ATP9B: variants seen among roughly 807,000 people sequenced by gnomAD.
The protein encoded by ATP9B is probable phospholipid-transporting ATPase IIB.
In ATP9B, 110 loss-of-function variants were observed where a neutral mutation model predicts 146.1. That is an observed-to-expected ratio of 0.75 (90% confidence interval 0.65 to 0.88). The LOEUF (loss-of-function observed/expected upper bound fraction) is 0.88, where lower values mean the gene tolerates loss of function less well. ATP9B is among the 40% of genes least tolerant of loss of function. ATP9B has a pLI of 0.00. For synonymous variants in ATP9B, 604 were observed against 569.7 expected, an observed-to-expected ratio of 1.06 and a Z score of -0.86; for missense variants, 1,499 against 1,496.4, an observed-to-expected ratio of 1.00 and a Z score of -0.03.
Position 79,303,644 on chromosome 18 carries a change from C to T in ATP9B, c.1452C>T (p.His484=), listed in dbSNP as rs1474541781. ...ATGAAATGATATTTAAGCGGCTGCA[C>T]CTGGGCACCGTGTCCTATGGCGCCG... ...TQNEMIFKRL[H]LGTVSYGADT... is the part of the protein sequence containing the mutation. The change falls in exon 14 of 30, where the codon CAC becomes CAT. Residue 484 remains histidine (H), a synonymous_variant. Coordinates refer to ENST00000426216, the MANE Select transcript of ATP9B (RefSeq NM_198531.5). 11 of 1,614,094 alleles carry T rather than the reference C, an allele frequency of 6.8e-6. No individual in the cohort carries two copies. Among genetic ancestry groups the T allele is most frequent in the East Asian group, 2.2e-5 (1 of 44,874 alleles).
chr18:79,294,224 G>A (rs2096531085), intron 13 of ATP9B, among the ~76,000 whole-genome samples: 3 of 152,222 alleles, frequency 2.0e-5, no homozygotes, highest in Non-Finnish European at 4.4e-5. Context: ...AAATGCCAGA[G>A]TTCTCTTCTC....
At chr18:79,325,084 C>T (rs539210735) in intron 15 of ATP9B, among the ~76,000 whole-genome samples, 2 of 152,184 alleles carry the variant, frequency 1.3e-5, no homozygotes, top group Non-Finnish European at 2.9e-5. Context: ...GAGCCCCTCT[C>T]CCAGGTTCTG....
intron 1 of ATP9B, among the ~76,000 whole-genome samples, chr18:79,090,773 CTT>C (rs1466546486): frequency 1.1e-4 from 16 of 152,062 alleles, no homozygotes; most frequent in Non-Finnish European, 2.2e-4. Context: ...TCTGCAGAAA[CTT>C]TTTAACTTGA....
At chr18:79,311,385 G>C (rs2146665237) in intron 15 of ATP9B, among the ~76,000 whole-genome samples, 1 of 152,276 alleles carries the variant, frequency 6.6e-6, no homozygotes, top group South Asian at 2.1e-4. Context: ...GTGACTCTCA[G>C]TGGGCTCAGC....
chr18:79,253,308 A>G (rs1268327838), intron 11 of ATP9B, 73 bp from the exon 12 acceptor site: 3 of 1,356,626 alleles, frequency 2.2e-6, no homozygotes, highest in Admixed American at 4.9e-5. Flanking sequence ...TGTCATCACT[A>G]CCATGCATTC....
rs80298728 is a variant in ATP9B at position 79,347,671 on chromosome 18, G to A, written c.2683-99G>A. 6.8e-5 allele frequency: 91 copies of A among 1,346,042 alleles called. No homozygotes were observed. In the East Asian group the frequency reaches 2.1e-3, roughly 31 times the overall value. The allele number at this position is 1,346,042 out of a possible 1,614,324, so 83.4% of individuals were successfully genotyped here. On this transcript the variant is annotated intron_variant, in intron 23 of 29. Transcript: ENST00000426216. ...TTACAAGTTCTGCAGAGAGAATTTC[G>A]GTCTTTGTAACATTTAGGCTGAGTT... is the stretch of plus-strand genomic sequence containing the variant.
At chr18:79,284,905 A>G (rs2096419745) in intron 13 of ATP9B, among the ~76,000 whole-genome samples, 1 of 152,118 alleles carries the variant, frequency 6.6e-6, no homozygotes, top group Admixed American at 6.5e-5. Flanking sequence ...TTTATTGAGA[A>G]TGATGATTTC....
At chr18:79,228,199 T>C (rs370335949) in intron 11 of ATP9B, among the ~76,000 whole-genome samples, 1 of 152,238 alleles carries the variant, frequency 6.6e-6, no homozygotes, top group Non-Finnish European at 1.5e-5. Context: ...TCTCAAATTC[T>C]CCACTAGTGA....
intron 11 of ATP9B, among the ~76,000 whole-genome samples, chr18:79,245,551 G>GGAGGGCACCACCCTACTGACTGTGCA (rs1555785604): frequency 0.35 from 50,814 of 146,892 alleles, 10,154 homozygotes; most frequent in African/African-American, 0.49. Flanking sequence ...TACTGACTGA[G>GGAGGGCACCACCCTACTGACTGTGCA]GAGGGCACCG....
chr18:79,251,312 T>C (rs766605821), intron 11 of ATP9B, among the ~76,000 whole-genome samples: 2 of 152,222 alleles, frequency 1.3e-5, no homozygotes, highest in Non-Finnish European at 2.9e-5. Flanking sequence ...TTGTCATCGC[T>C]ACTGTTGTGA....
intron 8 of ATP9B, among the ~76,000 whole-genome samples, chr18:79,190,807 A>C (rs1344945957): frequency 6.6e-6 from 1 of 152,104 alleles, no homozygotes; most frequent in Non-Finnish European, 1.5e-5. Flanking sequence ...CGGCCTCCCA[A>C]AGTGCTGGGA....
chr18:79,132,286 A>G (rs1476240089), intron 5 of ATP9B, among the ~76,000 whole-genome samples: 2 of 152,234 alleles, frequency 1.3e-5, no homozygotes, highest in East Asian at 3.8e-4. Flanking sequence ...CTGGTCATCT[A>G]AGAAGTAGAA....
At chr18:79,074,373 C>T (rs1426396042) in intron 1 of ATP9B, among the ~76,000 whole-genome samples, 5 of 152,222 alleles carry the variant, frequency 3.3e-5, no homozygotes, top group African/African-American at 1.2e-4. Context: ...TTAGCACCAC[C>T]ATGGTAAAAG....
In ATP9B at chr18:79,175,222, A is replaced by G. The variant is rs543203242; in HGVS notation, c.779-1591A>G. On this transcript the variant is annotated intron_variant, in intron 7 of 29. Transcript: ENST00000426216. ...CAAAAAAAAAAAAAAAAGAAAAAAA[A>G]AAACATCAAAACTTTTGAAACCTCA... Among the ~76,000 whole-genome samples, 204 of 152,012 alleles carry G rather than the reference A, an allele frequency of 1.3e-3. 2 individuals carry two copies. The highest frequency in any genetic ancestry group is 4.6e-3 in the African/African-American group (192 of 41,490).
intron 11 of ATP9B, among the ~76,000 whole-genome samples, chr18:79,218,570 G>C (rs2095650080): frequency 6.6e-6 from 1 of 150,870 alleles, no homozygotes; most frequent in African/African-American, 2.4e-5. Context: ...GGCAGCTCCT[G>C]TTGGTCATGT....
intron 5 of ATP9B, among the ~76,000 whole-genome samples, chr18:79,135,572 T>C (rs555423955): frequency 6.6e-6 from 1 of 152,302 alleles, no homozygotes; most frequent in Non-Finnish European, 1.5e-5. Flanking sequence ...TGCCTGGACT[T>C]CAGTTCGTTT....
At chr18:79,195,396 A>G (rs952035793) in intron 9 of ATP9B, among the ~76,000 whole-genome samples, 1 of 152,200 alleles carries the variant, frequency 6.6e-6, no homozygotes, top group African/African-American at 2.4e-5. Context: ...CATAGACATG[A>G]GAGCCATCGT....
At chr18:79,300,232 G>T (rs955955507) in intron 13 of ATP9B, among the ~76,000 whole-genome samples, 1 of 152,184 alleles carries the variant, frequency 6.6e-6, no homozygotes, top group Admixed American at 6.5e-5. Flanking sequence ...TTGGGAGGTA[G>T]TTGAATCCAG....
chr18:79,251,439 A>G (rs760090401), intron 11 of ATP9B, among the ~76,000 whole-genome samples: 2 of 152,270 alleles, frequency 1.3e-5, no homozygotes, highest in African/African-American at 4.8e-5. Context: ...GTTTTATAAC[A>G]TAGATCACTG....
Sources: gnomAD v4.1 joint callset for allele counts (sites outside exome capture counted in the v4.1 genomes callset) on GRCh38, gnomAD v4.1.1 for gene constraint, MANE v1.5 for transcripts, NCBI Gene and HGNC (gene_info 2026-07-23, HGNC 2026-07-21) for gene names.